The following ZMAT4 variants were observed in gnomAD, a reference collection of about 807,000 sequenced individuals.
ZMAT4 encodes the protein zinc finger matrin-type protein 4.
A neutral mutation model predicts 28.7 loss-of-function variants in ZMAT4; 17 were observed. The observed-to-expected ratio is 0.59, with a 90% CI of 0.41 to 0.89. The LOEUF (loss-of-function observed/expected upper bound fraction) is 0.89, where lower values mean the gene tolerates loss of function less well. ZMAT4 is among the 40% of genes least tolerant of loss of function. The pLI, the probability that ZMAT4 is intolerant of heterozygous loss-of-function variation, is 0.00. For missense variants in ZMAT4, 240 were observed against 283.8 expected (o/e 0.85, Z 1.11); for synonymous variants, 117 against 109.2 (o/e 1.07, Z -0.44).
intron 5 of ZMAT4, among the ~76,000 whole-genome samples, chr8:40,594,671 T>C (rs989377730): frequency 3.3e-5 from 5 of 152,238 alleles, no homozygotes; most frequent in Non-Finnish European, 7.3e-5. Flanking sequence ...GTTCTTTGCT[T>C]TGGACAAAAA....
At chr8:40,765,544 T>C (rs895032324) in intron 3 of ZMAT4, among the ~76,000 whole-genome samples, 3 of 152,200 alleles carry the variant, frequency 2.0e-5, no homozygotes, top group Admixed American at 6.5e-5. Context: ...TCAAGGTTTT[T>C]CAAAACCCAG....
At position 40,886,918 on chromosome 8, in the gene ZMAT4, TC is replaced by T. The variant is rs577600048; in HGVS notation, c.-5+10764del. ...AGGGCGCAGTGGCTCACGCCTATAA[TC>T]CCAGCACTTTGGGAGGCCAAGGCGG... On this transcript the variant is annotated intron_variant, in intron 1 of 6. Transcript: ENST00000297737. 1.6e-3 allele frequency among the ~76,000 whole-genome samples: 243 copies of T among 152,250 alleles called. 1 individual carries two copies. The highest frequency in any genetic ancestry group is 5.7e-3 in the African/African-American group (237 of 41,556).
chr8:40,881,564 A>G lies in ZMAT4; in HGVS notation c.-5+16119T>C, dbSNP rs969598476. ...AAAGAAAGAAAGAAAGAAAGAAAGA[A>G]AGAAAGAAAGAAAGAAAGAAAGAAA... On this transcript the variant is annotated intron_variant, in intron 1 of 6. Coordinates refer to ENST00000297737, the MANE Select transcript of ZMAT4 (RefSeq NM_024645.3). Among the ~76,000 whole-genome samples, 25 of 103,608 alleles carry G rather than the reference A, an allele frequency of 2.4e-4. 1 individual carries two copies. Among genetic ancestry groups the G allele is most frequent in the African/African-American group, 9.9e-4 (25 of 25,284 alleles). 68.0% of individuals were successfully genotyped at this position (103,608 alleles called of 152,430 possible).
At chr8:40,844,292 T>A (rs913446811) in intron 1 of ZMAT4, among the ~76,000 whole-genome samples, 1 of 152,146 alleles carries the variant, frequency 6.6e-6, no homozygotes, top group Non-Finnish European at 1.5e-5. Flanking sequence ...AAGAGATTAG[T>A]GTTTGAATTG....
At chr8:40,785,498 G>T (rs781493647) in intron 2 of ZMAT4, among the ~76,000 whole-genome samples, 2 of 152,188 alleles carry the variant, frequency 1.3e-5, no homozygotes, top group Non-Finnish European at 2.9e-5. Flanking sequence ...TAGTCTCACT[G>T]TCTCAGACTG....
chr8:40,801,371 T>TATATATATATATATATATAC (rs1199428052), intron 2 of ZMAT4, among the ~76,000 whole-genome samples: 3 of 144,860 alleles, frequency 2.1e-5, no homozygotes, highest in Admixed American at 1.4e-4. Context: ...TATATATATA[T>TATATATATATATATATATAC]ACATATATAT....
At chr8:40,687,980 CCTTAG>C (rs1809489904) in intron 4 of ZMAT4, among the ~76,000 whole-genome samples, 1 of 152,126 alleles carries the variant, frequency 6.6e-6, no homozygotes, top group Non-Finnish European at 1.5e-5. Context: ...GACTGAGGAC[CCTTAG>C]CTTCCAAAGA....
intron 2 of ZMAT4, among the ~76,000 whole-genome samples, chr8:40,819,207 G>T (rs1006201499): frequency 1.1e-4 from 17 of 152,094 alleles, no homozygotes; most frequent in African/African-American, 3.9e-4. Context: ...ACTAGATTCT[G>T]CCATTCCCAG....
chr8:40,534,055 ATAGT>A (rs1229891932), intron 6 of ZMAT4, among the ~76,000 whole-genome samples: 8 of 152,322 alleles, frequency 5.3e-5, no homozygotes, highest in Middle Eastern at 3.4e-3. Context: ...TCATGATTAC[ATAGT>A]TAGAGAAAAT....
At chr8:40,730,071 A>C (rs761747755) in intron 3 of ZMAT4, among the ~76,000 whole-genome samples, 1 of 152,228 alleles carries the variant, frequency 6.6e-6, no homozygotes. Context: ...GTTTTAATCT[A>C]AACTAAAAAG....
intron 3 of ZMAT4, among the ~76,000 whole-genome samples, chr8:40,739,708 C>A (rs1449260890): frequency 6.6e-6 from 1 of 152,110 alleles, no homozygotes; most frequent in Non-Finnish European, 1.5e-5. Context: ...ATACCTGTGC[C>A]GTGGTGTTCT....
rs564081168 is a variant in ZMAT4 at position 40,709,375 on chromosome 8, T to C, written c.193-11974A>G. ...AAAGAGCCTCATGTATACCCCTAAA[T>C]GTCAACCCAAAACAATCAACACAAA... On this transcript the variant is annotated intron_variant, in intron 3 of 6. Transcript: ENST00000297737. Among the ~76,000 whole-genome samples the C allele has an allele frequency of 9.9e-5, 15 of 152,236 alleles. No homozygotes were observed. In the South Asian group the frequency reaches 2.7e-3, roughly 27 times the overall value.
At chr8:40,645,777 G>A (rs930993617) in intron 5 of ZMAT4, among the ~76,000 whole-genome samples, 5 of 152,004 alleles carry the variant, frequency 3.3e-5, no homozygotes, top group Non-Finnish European at 7.4e-5. Flanking sequence ...AGATACAAAT[G>A]CATTAAAACC....
intron 5 of ZMAT4, among the ~76,000 whole-genome samples, chr8:40,600,689 G>C (rs142717857): frequency 6.6e-6 from 1 of 152,200 alleles, no homozygotes; most frequent in African/African-American, 2.4e-5. Context: ...CAACGGTCTA[G>C]AGTGCCAAAC....
intron 2 of ZMAT4, among the ~76,000 whole-genome samples, chr8:40,770,516 C>T (rs1813344982): frequency 6.7e-6 from 1 of 150,048 alleles, no homozygotes; most frequent in Non-Finnish European, 1.5e-5. Flanking sequence ...CTCCCTCCCT[C>T]CCTTTCTTCC....
Position 40,532,134 on chromosome 8 carries a change from G to C in ZMAT4, c.*89C>G. ...CTTATAAGAAATGTTTATTGTTCAA[G>C]AAAGAAGCCTCCTCTGGTGGTTGAT... On this transcript the variant is annotated 3_prime_UTR_variant, in exon 7 of 7. Transcript: ENST00000297737. 7.8e-7 allele frequency: 1 copy of C among 1,286,102 alleles called. No homozygotes were observed. Among genetic ancestry groups the C allele is most frequent in the Non-Finnish European group, 1.1e-6 (1 of 948,896 alleles). 79.7% of individuals were successfully genotyped at this position (1,286,102 alleles called of 1,614,324 possible). A position where few individuals can be genotyped will look rare whatever the true frequency, so the allele number is the denominator to read the frequency against.
intron 1 of ZMAT4, among the ~76,000 whole-genome samples, chr8:40,863,785 T>C (rs1817583423): frequency 1.3e-5 from 2 of 152,224 alleles, no homozygotes; most frequent in South Asian, 2.1e-4. Context: ...ATACCAATTA[T>C]GGAAGACCTT....
chr8:40,870,113 C>G (rs9918738), intron 1 of ZMAT4, among the ~76,000 whole-genome samples: 6,458 of 152,208 alleles, frequency 0.042, 427 homozygotes, highest in African/African-American at 0.14. Context: ...AAATGTACAC[C>G]TATAAAGGAA....
At chr8:40,830,922 G>T (rs1435608152) in intron 1 of ZMAT4, among the ~76,000 whole-genome samples, 1 of 152,092 alleles carries the variant, frequency 6.6e-6, no homozygotes, top group Non-Finnish European at 1.5e-5. Context: ...TTATTGTGAG[G>T]ATTAGAAATA....
Sources: gnomAD v4.1 joint callset for allele counts (sites outside exome capture counted in the v4.1 genomes callset) on GRCh38, gnomAD v4.1.1 for gene constraint, MANE v1.5 for transcripts, NCBI Gene and HGNC (gene_info 2026-07-23, HGNC 2026-07-21) for gene names.